Variants in DLGAP2 observed in about 807,000 individuals in gnomAD.
DLGAP2 encodes DLG associated protein 2, also known as disks large-associated protein 2.
Under a neutral mutation model 100.3 loss-of-function variants are expected in DLGAP2, and 26 were observed. The observed-to-expected ratio is 0.26, with a 90% confidence interval of 0.19 to 0.36. The LOEUF (loss-of-function observed/expected upper bound fraction) is 0.36, where lower values mean the gene tolerates loss of function less well. Among genes scored for constraint, DLGAP2 ranks in the 10% least tolerant of loss-of-function variants. The pLI, the probability that DLGAP2 is intolerant of heterozygous loss-of-function variation, is 1.00. For missense variants in DLGAP2, 1,858 were observed against 1,453.2 expected (o/e 1.28, Z -4.53); for synonymous variants, 886 against 630.1 (o/e 1.41, Z -6.08).
intron 2 of DLGAP2, among the ~76,000 whole-genome samples, chr8:1,039,975 G>T (rs1171060466): frequency 1.3e-5 from 2 of 148,288 alleles, no homozygotes; most frequent in African/African-American, 5.0e-5. Context: ...TGCGTGGTCG[G>T]CTCGGTGTGC....
At chr8:1,311,906 G>C (rs898099171) in intron 3 of DLGAP2, among the ~76,000 whole-genome samples, 1 of 152,190 alleles carries the variant, frequency 6.6e-6, no homozygotes, top group African/African-American at 2.4e-5. Context: ...ATAAGGCAAA[G>C]ACTGATACAA....
chr8:1,168,672 A>G (rs928308842), intron 2 of DLGAP2, among the ~76,000 whole-genome samples: 5 of 146,470 alleles, frequency 3.4e-5, no homozygotes, highest in Non-Finnish European at 7.5e-5. Flanking sequence ...GGCTGCATAA[A>G]TGTCTTCTTT....
chr8:836,510 G>T (rs116955669), intron 1 of DLGAP2, among the ~76,000 whole-genome samples: 5 of 152,314 alleles, frequency 3.3e-5, no homozygotes, highest in Admixed American at 3.3e-4. Context: ...GCAAGCGTTC[G>T]AGGCCTGGCA....
At chr8:1,140,707 C>T (rs1408911299) in intron 2 of DLGAP2, among the ~76,000 whole-genome samples, 2 of 152,210 alleles carry the variant, frequency 1.3e-5, no homozygotes, top group Non-Finnish European at 2.9e-5. Flanking sequence ...CACAATGACT[C>T]ATACCTGTAA....
chr8:1,557,539 G>T (rs929283911), intron 5 of DLGAP2, among the ~76,000 whole-genome samples: 2 of 152,134 alleles, frequency 1.3e-5, no homozygotes, highest in Admixed American at 1.3e-4. Flanking sequence ...TCCGCACCGA[G>T]GCAAGGAGTG....
chr8:1,493,303 G>T (rs1445006880), intron 3 of DLGAP2, among the ~76,000 whole-genome samples: 2 of 152,106 alleles, frequency 1.3e-5, no homozygotes, highest in African/African-American at 4.8e-5. Flanking sequence ...GGCACAGACG[G>T]CTGCCTCCAT....
At chr8:928,275 C>G (rs1038984028) in intron 2 of DLGAP2, among the ~76,000 whole-genome samples, 1 of 151,792 alleles carries the variant, frequency 6.6e-6, no homozygotes. Context: ...GTCCTGGACA[C>G]GGTTTACCGA....
At chr8:999,080 G>C (rs4735963) in intron 2 of DLGAP2, among the ~76,000 whole-genome samples, 53,625 of 152,004 alleles carry the variant, frequency 0.35, 9,984 homozygotes, top group Non-Finnish European at 0.41. Flanking sequence ...GATTGATCAT[G>C]TTCTTAAAAA....
chr8:1,466,890 T>C (rs113437668), intron 3 of DLGAP2, among the ~76,000 whole-genome samples: 41 of 152,306 alleles, frequency 2.7e-4, no homozygotes, highest in Admixed American at 7.8e-4. Context: ...TCTTTTTTTT[T>C]CCCTTAACTA....
At chr8:1,629,633 C>G (rs1054477779) in intron 7 of DLGAP2, among the ~76,000 whole-genome samples, 1 of 152,240 alleles carries the variant, frequency 6.6e-6, no homozygotes, top group African/African-American at 2.4e-5. Flanking sequence ...AGACTTTCTT[C>G]TTTTAAAGCT....
At chr8:1,073,563 G>A (rs899555033) in intron 2 of DLGAP2, among the ~76,000 whole-genome samples, 5 of 152,168 alleles carry the variant, frequency 3.3e-5, no homozygotes, top group African/African-American at 4.8e-5. Flanking sequence ...TCCAAAGATG[G>A]TTTTTGTTTT....
chr8:1,477,896 G>C (rs1331510391), intron 3 of DLGAP2, among the ~76,000 whole-genome samples: 1 of 152,140 alleles, frequency 6.6e-6, no homozygotes, highest in Non-Finnish European at 1.5e-5. Flanking sequence ...GTGACCCTGA[G>C]TCATTTTGCC....
At chr8:1,344,840 G>C (rs925496980) in intron 3 of DLGAP2, among the ~76,000 whole-genome samples, 1 of 152,186 alleles carries the variant, frequency 6.6e-6, no homozygotes, top group African/African-American at 2.4e-5. Context: ...ACACATGTTT[G>C]TTGAACTAAT....
intron 2 of DLGAP2, among the ~76,000 whole-genome samples, chr8:1,182,863 C>G (rs950502178): frequency 1.3e-5 from 2 of 152,214 alleles, no homozygotes; most frequent in Non-Finnish European, 2.9e-5. Flanking sequence ...GTGGGATCGG[C>G]AGCATCCAGT....
At chr8:1,082,414 G>A (rs1242228973) in intron 2 of DLGAP2, among the ~76,000 whole-genome samples, 1 of 152,120 alleles carries the variant, frequency 6.6e-6, no homozygotes, top group Non-Finnish European at 1.5e-5. Flanking sequence ...GCTAAGGGTG[G>A]GGGCAGCCAA....
chr8:1,419,853 G>T (rs543537366), intron 3 of DLGAP2, among the ~76,000 whole-genome samples: 4 of 152,290 alleles, frequency 2.6e-5, no homozygotes, highest in Admixed American at 6.5e-5. Flanking sequence ...ACTACTGAGT[G>T]TACAGCCAAA....
intron 4 of DLGAP2, among the ~76,000 whole-genome samples, chr8:1,511,980 G>T (rs1800180830): frequency 6.6e-6 from 1 of 152,246 alleles, no homozygotes; most frequent in Admixed American, 6.5e-5. Context: ...GTTTGGTATT[G>T]GATGAATACT....
At chr8:1,555,151 G>GA (rs550708287) in intron 5 of DLGAP2, among the ~76,000 whole-genome samples, 12 of 152,256 alleles carry the variant, frequency 7.9e-5, no homozygotes, top group African/African-American at 2.6e-4. Context: ...TGGAATAGCA[G>GA]GTCCGGGAGG....
At chr8:872,160 A>G (rs1797610935) in intron 1 of DLGAP2, among the ~76,000 whole-genome samples, 1 of 152,126 alleles carries the variant, frequency 6.6e-6, no homozygotes, top group Admixed American at 6.5e-5. Context: ...TTTCTCCAGA[A>G]ATTTAGAAGG....
Sources: allele counts gnomAD v4.1 joint callset (sites outside exome capture counted in the v4.1 genomes callset), GRCh38; gene constraint gnomAD v4.1.1; transcripts MANE v1.5; gene names NCBI Gene and HGNC (gene_info 2026-07-23, HGNC 2026-07-21).